GPC5: variants seen among roughly 807,000 people sequenced by gnomAD.
The protein encoded by GPC5 is glypican-5.
GPC5 carries 47 observed loss-of-function variants against 53.9 expected under a neutral mutation model. That is an observed-to-expected ratio of 0.87 (90% CI 0.69 to 1.11). The LOEUF (loss-of-function observed/expected upper bound fraction) is 1.11. GPC5 is among the 50% of genes most tolerant of loss of function. The probability of loss-of-function intolerance (pLI) is 0.00; values close to 1 mark genes in which losing one functional copy is unlikely to be tolerated. For synonymous variants in GPC5, 286 were observed against 263.3 expected, an observed-to-expected ratio of 1.09 and a Z score of -0.84; for missense variants, 748 against 713.1, an observed-to-expected ratio of 1.05 and a Z score of -0.56.
At chr13:91,847,198 C>T (rs74802474) in intron 5 of GPC5, among the ~76,000 whole-genome samples, 18,963 of 130,544 alleles carry the variant, frequency 0.15, 1,371 homozygotes, top group African/African-American at 0.21. Context: ...CAAGCCTGGG[C>T]GACAGAGCAA....
chr13:92,411,284 AAAG>A (rs1378414208), intron 7 of GPC5, among the ~76,000 whole-genome samples: 1 of 152,218 alleles, frequency 6.6e-6, no homozygotes, highest in African/African-American at 2.4e-5. Context: ...AGATAAAAAA[AAAG>A]AATGCTTACT....
intron 2 of GPC5, among the ~76,000 whole-genome samples, chr13:91,526,629 T>C (rs1049400390): frequency 2.0e-5 from 3 of 152,232 alleles, no homozygotes; most frequent in Admixed American, 2.0e-4. Flanking sequence ...GGAATACAAG[T>C]CTCTACATCA....
chr13:92,160,725 C>A (rs1442577986), intron 7 of GPC5, among the ~76,000 whole-genome samples: 1 of 152,126 alleles, frequency 6.6e-6, no homozygotes, highest in African/African-American at 2.4e-5. Flanking sequence ...TTCCATAGAG[C>A]CAACTCTACA....
chr13:91,456,376 CTT>C (rs1881554184), intron 2 of GPC5, among the ~76,000 whole-genome samples: 1 of 150,652 alleles, frequency 6.6e-6, no homozygotes, highest in South Asian at 2.1e-4. Context: ...AAAATGTTAA[CTT>C]TTGCAATCCA....
intron 6 of GPC5, among the ~76,000 whole-genome samples, chr13:91,965,198 G>A (rs1219281608): frequency 2.6e-5 from 4 of 151,972 alleles, no homozygotes; most frequent in African/African-American, 4.8e-5. Context: ...AAACGTGCAC[G>A]TTGTACACAT....
At chr13:91,768,214 T>C (rs1208653828) in intron 5 of GPC5, among the ~76,000 whole-genome samples, 1 of 152,172 alleles carries the variant, frequency 6.6e-6, no homozygotes, top group African/African-American at 2.4e-5. Context: ...TCAAATAGAC[T>C]ACAGTGTAGT....
chr13:91,487,770 A>G (rs1283514321), intron 2 of GPC5, among the ~76,000 whole-genome samples: 3 of 152,170 alleles, frequency 2.0e-5, no homozygotes, highest in Non-Finnish European at 4.4e-5. Flanking sequence ...TGTCAGATAA[A>G]GCTTGTCTTT....
rs368403345 is a variant in GPC5 at position 91,524,515 on chromosome 13, T to G, written c.325+75593T>G. On this transcript the variant is annotated intron_variant, in intron 2 of 7. Transcript: ENST00000377067. ...CTACTAGCAAACAGATATCCAGATA[T>G]GTACATCTATCTTATTTTTCAAGGA... Among the ~76,000 whole-genome samples the G allele has an allele frequency of 6.2e-4, 94 of 152,236 alleles. 1 individual carries two copies. In the South Asian group the frequency reaches 0.019, roughly 31 times the overall value.
At chr13:92,172,019 C>T (rs533579818) in intron 7 of GPC5, among the ~76,000 whole-genome samples, 4 of 152,310 alleles carry the variant, frequency 2.6e-5, no homozygotes, top group South Asian at 4.1e-4. Flanking sequence ...AATGCCAGTT[C>T]GCTTGTTTGT....
At chr13:92,143,786 GTTCTT>G (rs1279566698) in intron 6 of GPC5, among the ~76,000 whole-genome samples, 17 of 152,020 alleles carry the variant, frequency 1.1e-4, no homozygotes, top group African/African-American at 3.9e-4. Flanking sequence ...TTGACTCTCT[GTTCTT>G]CAGTATAAAA....
intron 4 of GPC5, among the ~76,000 whole-genome samples, chr13:91,735,504 G>A (rs1416521247): frequency 1.3e-4 from 20 of 151,164 alleles, no homozygotes; most frequent in Admixed American, 1.1e-3. Context: ...ATCTTGTAAG[G>A]TAAGTCACTA....
chr13:92,211,885 T>C (rs2042377950), intron 7 of GPC5, among the ~76,000 whole-genome samples: 1 of 152,194 alleles, frequency 6.6e-6, no homozygotes, highest in Admixed American at 6.5e-5. Context: ...CCACTGCTGC[T>C]GGCAGCCTTT....
intron 6 of GPC5, among the ~76,000 whole-genome samples, chr13:92,110,557 T>C (rs867834865): frequency 1.3e-5 from 2 of 152,310 alleles, no homozygotes; most frequent in Middle Eastern, 3.4e-3. Context: ...AGATATCTTT[T>C]AAACATTCAG....
At chr13:91,436,520 G>A (rs1361246968) in intron 1 of GPC5, among the ~76,000 whole-genome samples, 1 of 152,174 alleles carries the variant, frequency 6.6e-6, no homozygotes, top group Non-Finnish European at 1.5e-5. Flanking sequence ...TTAATCCTGA[G>A]TTCTAGTTTG....
At chr13:92,546,068 A>T (rs946790866) in intron 7 of GPC5, among the ~76,000 whole-genome samples, 1 of 152,106 alleles carries the variant, frequency 6.6e-6, no homozygotes, top group Non-Finnish European at 1.5e-5. Context: ...TACTGAATGG[A>T]CACAAACTGG....
chr13:92,072,616 C>T lies in GPC5; in HGVS notation c.1402-72214C>T, dbSNP rs986235714. Among the ~76,000 whole-genome samples, 3 of 143,750 alleles carry T rather than the reference C, an allele frequency of 2.1e-5. No homozygotes were observed. The Admixed American group carries it at 2.2e-4, about 10-fold the overall frequency. The allele number at this position is 143,750 out of a possible 152,430, so 94.3% of individuals were successfully genotyped here. The stretch of plus-strand genomic sequence containing the variant: ...TTATACAGAGTCTTACCCTCTTGCC[C>T]AGGCTGGAGTGCACTGGCATGATCT... On this transcript the variant is annotated intron_variant, in intron 6 of 7. Coordinates refer to ENST00000377067, the MANE Select transcript of GPC5 (RefSeq NM_004466.6).
chr13:92,513,127 G>A (rs1188773384), intron 7 of GPC5, among the ~76,000 whole-genome samples: 2 of 152,220 alleles, frequency 1.3e-5, no homozygotes, highest in African/African-American at 2.4e-5. Flanking sequence ...GGGATGGGAA[G>A]ACGTATTGTT....
chr13:92,435,349 A>T (rs1185460468), intron 7 of GPC5, among the ~76,000 whole-genome samples: 1 of 152,222 alleles, frequency 6.6e-6, no homozygotes, highest in Admixed American at 6.5e-5. Flanking sequence ...AAATAAATGT[A>T]TTTTGACAAT....
Position 92,817,936 on chromosome 13 carries a change from A to G in GPC5, c.1562-48346A>G, listed in dbSNP as rs550861296. On this transcript the variant is annotated intron_variant, in intron 7 of 7. Coordinates refer to ENST00000377067, the MANE Select transcript of GPC5 (RefSeq NM_004466.6). ...AACCTTGTGGCAGCAGGACATTTTG[A>G]TTAGAAACTAGCATTTCTACAAAAC... Among the ~76,000 whole-genome samples, 13 of 151,918 alleles carry G rather than the reference A, an allele frequency of 8.6e-5. No homozygotes were observed. In the South Asian group the frequency reaches 2.7e-3, roughly 32 times the overall value.
Sources: allele counts gnomAD v4.1 joint callset (sites outside exome capture counted in the v4.1 genomes callset), GRCh38; gene constraint gnomAD v4.1.1; transcripts MANE v1.5; gene names NCBI Gene and HGNC (gene_info 2026-07-23, HGNC 2026-07-21).